Variants in ATP10B observed in about 807,000 individuals in gnomAD.
The protein encoded by ATP10B is phospholipid-transporting ATPase VB.
ATP10B carries 122 observed loss-of-function variants against 141.2 expected under a neutral mutation model. The observed-to-expected ratio is 0.86, with a 90% CI of 0.75 to 1.00. ATP10B has a LOEUF of 1.00. Ranked by LOEUF, ATP10B falls within the 50% of genes least tolerant of loss-of-function variation. The pLI is 0.00. For missense variants in ATP10B, 1,876 were observed against 1,825.3 expected (o/e 1.03, Z -0.51); for synonymous variants, 685 against 692.0 (o/e 0.99, Z 0.16).
chr5:160,618,810 G>A (rs1195069844), intron 15 of ATP10B, among the ~76,000 whole-genome samples: 1 of 152,202 alleles, frequency 6.6e-6, no homozygotes, highest in African/African-American at 2.4e-5. Context: ...TTTATCAGTC[G>A]CTTGTAAAAC....
intron 24 of ATP10B, among the ~76,000 whole-genome samples, chr5:160,585,560 C>T (rs1209099899): frequency 6.6e-6 from 1 of 152,228 alleles, no homozygotes; most frequent in African/African-American, 2.4e-5. Flanking sequence ...CAAGATGGCG[C>T]CACTGCACTC....
chr5:160,641,869 G>C (rs1417875005), intron 9 of ATP10B, among the ~76,000 whole-genome samples: 1 of 152,140 alleles, frequency 6.6e-6, no homozygotes, highest in Non-Finnish European at 1.5e-5. Flanking sequence ...CAAAACAGTA[G>C]GAGCAAAAAA....
chr5:160,749,775 G>A (rs1488024137), intron 2 of ATP10B, among the ~76,000 whole-genome samples: 1 of 152,176 alleles, frequency 6.6e-6, no homozygotes, highest in Admixed American at 6.5e-5. Flanking sequence ...AGAAAGAACA[G>A]GGGTAAGTAA....
At chr5:160,724,251 C>CTTTTTTTT (rs35786358) in intron 2 of ATP10B, among the ~76,000 whole-genome samples, 1 of 107,072 alleles carries the variant, frequency 9.3e-6, no homozygotes, top group Non-Finnish European at 1.8e-5. Flanking sequence ...GCTATAATTC[C>CTTTTTTTT]TTTTTTTTTT....
intron 24 of ATP10B, 59 bp from the exon 25 acceptor site, chr5:160,569,742 G>T (rs1436794037): frequency 1.5e-6 from 2 of 1,313,908 alleles, no homozygotes; most frequent in Admixed American, 2.8e-5. Context: ...GAGGCAGGGT[G>T]ATCAAACTAC....
At position 160,565,000 on chromosome 5, in the gene ATP10B, A is replaced by G. The variant is rs1754446381; in HGVS notation, c.*453T>C. 1 of 161,340 alleles carries G rather than the reference A, an allele frequency of 6.2e-6. No individual in the cohort carries two copies. Among genetic ancestry groups the G allele is most frequent in the African/African-American group, 2.4e-5 (1 of 41,570 alleles). 10.0% of individuals were successfully genotyped at this position (161,340 alleles called of 1,614,324 possible). Reference sequence around the variant, plus strand: ...GCAATACACTTGAGATGAAGCCCTTATGTGCACAAGTCTCTTCTGAAACTT... The same window carrying G: ...GCAATACACTTGAGATGAAGCCCTTGTGTGCACAAGTCTCTTCTGAAACTT... On this transcript the variant is annotated 3_prime_UTR_variant, in exon 26 of 26. Coordinates refer to ENST00000327245, the MANE Select transcript of ATP10B (RefSeq NM_025153.3).
chr5:160,741,649 T>G (rs916954575), intron 2 of ATP10B, among the ~76,000 whole-genome samples: 1 of 152,190 alleles, frequency 6.6e-6, no homozygotes, highest in African/African-American at 2.4e-5. Context: ...TCAAAGGTCC[T>G]TTTTACCCAG....
At chr5:160,627,815 G>A (rs1758687861) in intron 13 of ATP10B, among the ~76,000 whole-genome samples, 2 of 152,226 alleles carry the variant, frequency 1.3e-5, no homozygotes, top group East Asian at 3.8e-4. Flanking sequence ...GCTTCCACTT[G>A]TGAAGGATGT....
At chr5:160,860,199 C>A in the ATP10B span, among the ~76,000 whole-genome samples, 1 of 151,712 alleles carries the variant, frequency 6.6e-6, no homozygotes, top group Non-Finnish European at 1.5e-5. Flanking sequence ...CTCTTGATTA[C>A]TGGGAATGAA....
chr5:160,729,126 T>C (rs1766565070), intron 2 of ATP10B, among the ~76,000 whole-genome samples: 1 of 152,200 alleles, frequency 6.6e-6, no homozygotes, highest in African/African-American at 2.4e-5. Context: ...TACATTATTG[T>C]TAGGCCCCTT....
At chr5:160,761,389 C>T (rs1022696013) in intron 2 of ATP10B, among the ~76,000 whole-genome samples, 5 of 26,640 alleles carry the variant, frequency 1.9e-4, no homozygotes, top group Admixed American at 1.1e-3. Flanking sequence ...TGTAGACATT[C>T]GCCAGCACCA....
At chr5:160,744,165 T>C (rs1429952850) in intron 2 of ATP10B, among the ~76,000 whole-genome samples, 1 of 152,166 alleles carries the variant, frequency 6.6e-6, no homozygotes, top group African/African-American at 2.4e-5. Context: ...CTATGCCTGG[T>C]TCCAGACAAA....
At chr5:160,733,217 GC>G (rs1273849031) in intron 2 of ATP10B, among the ~76,000 whole-genome samples, 9 of 152,002 alleles carry the variant, frequency 5.9e-5, no homozygotes, top group Non-Finnish European at 1.0e-4. Flanking sequence ...TGTAGTTATT[GC>G]AAATGAGATT....
intron 2 of ATP10B, among the ~76,000 whole-genome samples, chr5:160,759,897 G>A (rs932686934): frequency 2.0e-5 from 3 of 152,142 alleles, no homozygotes; most frequent in African/African-American, 7.2e-5. Flanking sequence ...CTCTGGCTGT[G>A]CTCCAGAATT....
In ATP10B at chr5:160,746,092, A is replaced by G. The variant is rs568630011; in HGVS notation, c.-330-29058T>C. Among the ~76,000 whole-genome samples, 10 of 152,368 alleles carry G rather than the reference A, an allele frequency of 6.6e-5. No individual in the cohort carries two copies. In the South Asian group the frequency reaches 2.1e-3, roughly 32 times the overall value. On this transcript the variant is annotated intron_variant, in intron 2 of 25. Coordinates refer to ENST00000327245, the MANE Select transcript of ATP10B (RefSeq NM_025153.3). ...TAGGACAGTACCTCACATGTAGAATATGCATTATTGATTAGCTGATGTTGT... is the reference window on the plus strand; with the variant it reads ...TAGGACAGTACCTCACATGTAGAATGTGCATTATTGATTAGCTGATGTTGT...
At chr5:160,652,912 T>G (rs1760930795) in intron 7 of ATP10B, among the ~76,000 whole-genome samples, 1 of 68,018 alleles carries the variant, frequency 1.5e-5, no homozygotes, top group Admixed American at 2.1e-4. Flanking sequence ...TATATATACA[T>G]GTATATATAA....
At chr5:160,856,671 G>T (rs1754007937), upstream of ATP10B, among the ~76,000 whole-genome samples, 1 of 151,332 alleles carries the variant, frequency 6.6e-6, no homozygotes, top group South Asian at 2.1e-4. Flanking sequence ...GTATGTAGAT[G>T]ATTTGTATGT....
intron 11 of ATP10B, among the ~76,000 whole-genome samples, chr5:160,635,260 C>T (rs1410069915): frequency 5.9e-5 from 9 of 151,924 alleles, no homozygotes; most frequent in East Asian, 1.9e-4. Context: ...AGGAGTGTTC[C>T]GAGCAGAGGA....
rs190580079 is a variant in ATP10B at position 160,585,990 on chromosome 5, C to T, written c.3750+3602G>A. Among the ~76,000 whole-genome samples, 1,105 of 152,210 alleles carry T rather than the reference C, an allele frequency of 7.3e-3. 10 individuals carry two copies. The highest frequency in any genetic ancestry group is 0.025 in the African/African-American group (1,030 of 41,534). ...AAAATTTTTATTTTACTTTAAGTTCCGGGATACATGTACAGAACGTGCAAG... is the reference window on the plus strand; with the variant it reads ...AAAATTTTTATTTTACTTTAAGTTCTGGGATACATGTACAGAACGTGCAAG... On this transcript the variant is annotated intron_variant, in intron 24 of 25. Transcript: ENST00000327245.
Sources: allele counts gnomAD v4.1 joint callset (sites outside exome capture counted in the v4.1 genomes callset), GRCh38; gene constraint gnomAD v4.1.1; transcripts MANE v1.5; gene names NCBI Gene and HGNC (gene_info 2026-07-23, HGNC 2026-07-21).